The following ALMS1 variants were observed in gnomAD, a reference collection of about 807,000 sequenced individuals.
ALMS1 encodes ALMS1 centrosome and basal body associated protein, also known as centrosome-associated protein ALMS1.
ALMS1 carries 271 observed loss-of-function variants against 352.2 expected under a neutral mutation model. The observed-to-expected ratio is 0.77, with a 90% CI of 0.70 to 0.85. The LOEUF is 0.85. Among genes scored for constraint, ALMS1 ranks in the 40% least tolerant of loss-of-function variants. The probability of loss-of-function intolerance (pLI) is 0.00; values close to 1 mark genes in which losing one functional copy is unlikely to be tolerated. For synonymous variants in ALMS1, 1,865 were observed against 1,761.2 expected, an observed-to-expected ratio of 1.06 and a Z score of -1.48; for missense variants, 5,445 against 4,870.7, an observed-to-expected ratio of 1.12 and a Z score of -3.51.
intron 2 of ALMS1, among the ~76,000 whole-genome samples, chr2:73,411,669 G>A (rs1167680544): frequency 6.6e-6 from 1 of 151,990 alleles, no homozygotes; most frequent in Non-Finnish European, 1.5e-5. Flanking sequence ...TTATTCTTTC[G>A]TCGTTCATCT....
At chr2:73,600,110 A>AT (rs899142030) in intron 17 of ALMS1, among the ~76,000 whole-genome samples, 2 of 152,242 alleles carry the variant, frequency 1.3e-5, no homozygotes, top group East Asian at 1.9e-4. Context: ...TACAATATGA[A>AT]TTTTTTTTAA....
intron 3 of ALMS1, among the ~76,000 whole-genome samples, chr2:73,420,449 G>A (rs974366493): frequency 1.3e-5 from 2 of 152,218 alleles, no homozygotes; most frequent in African/African-American, 2.4e-5. Context: ...CAACAAAACC[G>A]AAAATATTTA....
chr2:73,538,571 C>T (rs1003580593), intron 12 of ALMS1, among the ~76,000 whole-genome samples: 1 of 152,206 alleles, frequency 6.6e-6, no homozygotes, highest in Non-Finnish European at 1.5e-5. Context: ...GAGCGTGAGC[C>T]GAAGCAGGGC....
At chr2:73,442,107 G>GTAT (rs1671730945) in intron 7 of ALMS1, among the ~76,000 whole-genome samples, 1 of 151,878 alleles carries the variant, frequency 6.6e-6, no homozygotes, top group South Asian at 2.1e-4. Flanking sequence ...AGCATTTTAT[G>GTAT]TATTATTATT....
chr2:73,602,386 A>G lies in ALMS1; in HGVS notation c.12298+18A>G, dbSNP rs779631004. On this transcript the variant is annotated intron_variant, in intron 20 of 22. Coordinates refer to ENST00000613296, the MANE Select transcript of ALMS1 (RefSeq NM_001378454.1). ...CAAGAGAGGTACGCCCTGCCCGTTC[A>G]CTTTCCTGTGAGTGGAATAGAGAAG... 6.2e-7 allele frequency: 1 copy of G among 1,613,878 alleles called. No individual in the cohort carries two copies. Among genetic ancestry groups the G allele is most frequent in the South Asian group, 1.1e-5 (1 of 90,970 alleles).
intron 9 of ALMS1, among the ~76,000 whole-genome samples, chr2:73,466,106 C>T (rs1432203753): frequency 1.3e-5 from 2 of 152,100 alleles, no homozygotes; most frequent in African/African-American, 2.4e-5. Flanking sequence ...ACTGGAAATA[C>T]CATTTGACCC....
chr2:73,509,530 C>T (rs544770875), intron 10 of ALMS1, among the ~76,000 whole-genome samples: 21 of 152,104 alleles, frequency 1.4e-4, no homozygotes, highest in Non-Finnish European at 2.1e-4. Flanking sequence ...CTTAGTTTGG[C>T]GGGATATGAA....
At chr2:73,417,887 T>G (rs1203180287) in intron 2 of ALMS1, among the ~76,000 whole-genome samples, 1 of 152,238 alleles carries the variant, frequency 6.6e-6, no homozygotes, top group Non-Finnish European at 1.5e-5. Context: ...ACGACTTTAA[T>G]TCAGCATTGT....
intron 12 of ALMS1, among the ~76,000 whole-genome samples, chr2:73,544,915 A>G (rs1282051430): frequency 6.6e-6 from 1 of 152,188 alleles, no homozygotes; most frequent in Non-Finnish European, 1.5e-5. Flanking sequence ...ACATGGATGA[A>G]CTCTGAAGAC....
chr2:73,517,924 C>T (rs920787712), intron 10 of ALMS1, among the ~76,000 whole-genome samples: 3 of 152,160 alleles, frequency 2.0e-5, no homozygotes, highest in African/African-American at 4.8e-5. Context: ...TCCCAAAATA[C>T]TGGGATTACA....
rs763680756 is a variant in ALMS1, at chr2:73,448,858, C to A, written c.2331C>A (p.Asp777Glu). 6 of 1,613,834 alleles carry A rather than the reference C, an allele frequency of 3.7e-6. No homozygotes were observed. In the South Asian group the frequency reaches 4.4e-5, roughly 12 times the overall value. The change falls in exon 8 of 23, where the codon GAC (aspartate) becomes GAA (glutamate). Residue 777 changes from aspartate (D) to glutamate (E), a missense_variant. Physicochemically the swap from Asp to Glu is conservative, Grantham distance 45 (BLOSUM62 2). Coordinates refer to ENST00000613296, the MANE Select transcript of ALMS1 (RefSeq NM_001378454.1). ...AGCCTAGTATTTTGTACCCACAGGA[C>A]TTAGCAGACAGTCATCTACCTGAAG... ...REKPSILYPQ[D>E]LADSHLPEEG...
intron 6 of ALMS1, 86 bp downstream of exon 6, chr2:73,426,639 C>A: frequency 7.3e-7 from 1 of 1,375,530 alleles, no homozygotes. Flanking sequence ...TTTTATTTTA[C>A]TTTTTACTGT....
At chr2:73,409,054 T>A (rs150014221) in intron 2 of ALMS1, among the ~76,000 whole-genome samples, 206 of 151,738 alleles carry the variant, frequency 1.4e-3, no homozygotes, top group Non-Finnish European at 2.0e-3. Context: ...TTTTAAAAAA[T>A]TTTTTATAGA....
At chr2:73,535,819 T>C (rs184744882) in intron 12 of ALMS1, among the ~76,000 whole-genome samples, 128 of 152,302 alleles carry the variant, frequency 8.4e-4, no homozygotes, top group African/African-American at 3.0e-3. Context: ...GGATATGACT[T>C]GATTCACTTT....
intron 15 of ALMS1, among the ~76,000 whole-genome samples, chr2:73,571,286 G>A (rs1674921319): frequency 6.6e-6 from 1 of 152,206 alleles, no homozygotes; most frequent in Non-Finnish European, 1.5e-5. Flanking sequence ...TGCCCATGAT[G>A]TAGAACTCTA....
chr2:73,534,762 T>A, intron 11 of ALMS1, 62 bp from the exon 12 acceptor site: 4 of 1,555,094 alleles, frequency 2.6e-6, no homozygotes, highest in Non-Finnish European at 2.7e-6. Flanking sequence ...AGGCATTCCA[T>A]ATTTGTTCAA....
chr2:73,452,783 G>A lies in ALMS1; in HGVS notation c.6256G>A (p.Gly2086Arg), dbSNP rs1433966083. Reference protein sequence around the residue: ...AVPELTDVNTGKPVSLSSSYF... With the variant: ...AVPELTDVNTRKPVSLSSSYF... ...CCCTGAACTAACTGATGTGAATACT[G>A]GAAAACCAGTATCTCTCTCTAGTTC... The change falls in exon 8 of 23, where the codon GGA (glycine) becomes AGA (arginine). Residue 2086 changes from glycine (G) to arginine (R), a missense_variant. Physicochemically the swap from Gly to Arg is moderately radical, Grantham distance 125 (BLOSUM62 -2). Transcript: ENST00000613296. The A allele has an allele frequency of 1.2e-6, 2 of 1,613,386 alleles. No individual in the cohort carries two copies. Among genetic ancestry groups the A allele is most frequent in the Non-Finnish European group, 1.7e-6 (2 of 1,179,980 alleles).
Position 73,448,299 on chromosome 2 carries a change from A to T in ALMS1, c.1772A>T (p.Asp591Val), listed in dbSNP as rs541118531. The T allele has an allele frequency of 3.5e-5, 56 of 1,613,926 alleles. No homozygotes were observed. The highest frequency in any genetic ancestry group is 4.5e-5 in the Non-Finnish European group (53 of 1,179,956). ...PSIFYQQGLP[D>V]SHLTEEALKV... is the part of the protein sequence containing the mutation. ...ATTTTCTACCAGCAGGGCTTGCCAG[A>T]CAGTCATCTAACTGAAGAGGCTTTG... Residue 591 changes from aspartate (D) to valine (V), a missense_variant, in exon 8 of 23, where the codon GAC becomes GTC. Asp to Val is a radical substitution (Grantham distance 152, BLOSUM62 -3). Transcript: ENST00000613296.
chr2:73,553,651 A>G (rs1227573392), intron 13 of ALMS1, among the ~76,000 whole-genome samples: 3 of 152,224 alleles, frequency 2.0e-5, no homozygotes, highest in Non-Finnish European at 4.4e-5. Context: ...ATAATTATAT[A>G]AACAATCATA....
Sources: gnomAD v4.1 joint callset for allele counts (sites outside exome capture counted in the v4.1 genomes callset) on GRCh38, gnomAD v4.1.1 for gene constraint, MANE v1.5 for transcripts, NCBI Gene and HGNC (gene_info 2026-07-23, HGNC 2026-07-21) for gene names.